Variants in PDE4B observed in about 807,000 individuals in gnomAD.
PDE4B encodes the protein phosphodiesterase 4B, also known as 3',5'-cyclic-AMP phosphodiesterase 4B.
A neutral mutation model predicts 82.2 loss-of-function variants in PDE4B; 20 were observed. The observed-to-expected ratio is 0.24, with a 90% CI of 0.17 to 0.35. The LOEUF (loss-of-function observed/expected upper bound fraction) is 0.35. Ranked by LOEUF, PDE4B falls within the 10% of genes least tolerant of loss-of-function variation. The pLI is 1.00. For synonymous variants in PDE4B, 320 were observed against 318.9 expected, an observed-to-expected ratio of 1.00 and a Z score of -0.04; for missense variants, 655 against 907.2, an observed-to-expected ratio of 0.72 and a Z score of 3.57.
chr1:65,919,163 G>T (rs761817702), intron 3 of PDE4B, among the ~76,000 whole-genome samples: 10 of 152,096 alleles, frequency 6.6e-5, no homozygotes, highest in Non-Finnish European at 1.5e-4. Context: ...AGTATTTTTT[G>T]ACTTAGAAAA....
intron 1 of PDE4B, among the ~76,000 whole-genome samples, chr1:65,856,286 C>T (rs886093196): frequency 6.6e-6 from 1 of 152,218 alleles, no homozygotes; most frequent in Admixed American, 6.5e-5. Context: ...GTTTGCGGCA[C>T]CCATGAACCC....
chr1:65,805,965 A>T (rs1196873639), intron 1 of PDE4B, among the ~76,000 whole-genome samples: 1 of 151,790 alleles, frequency 6.6e-6, no homozygotes, highest in Admixed American at 6.6e-5. Flanking sequence ...TTGGTGGGGG[A>T]GCTCAGTGGG....
chr1:65,992,825 C>T, intron 3 of PDE4B: 2 of 1,513,120 alleles, frequency 1.3e-6, no homozygotes, highest in South Asian at 1.4e-5. Flanking sequence ...GCAGACTTAT[C>T]AGTCTTCTGA....
chr1:66,120,438 A>C (rs528275892), intron 3 of PDE4B, among the ~76,000 whole-genome samples: 1 of 152,308 alleles, frequency 6.6e-6, no homozygotes, highest in African/African-American at 2.4e-5. Flanking sequence ...TGTCTCATAC[A>C]TCATGGATCT....
At chr1:66,045,963 G>A (rs1166072611) in intron 3 of PDE4B, among the ~76,000 whole-genome samples, 1 of 151,762 alleles carries the variant, frequency 6.6e-6, no homozygotes. Flanking sequence ...GACCATGCTA[G>A]GGAATCAGAC....
intron 3 of PDE4B, among the ~76,000 whole-genome samples, chr1:65,974,682 G>T (rs1385953850): frequency 6.6e-6 from 1 of 152,128 alleles, no homozygotes; most frequent in East Asian, 1.9e-4. Context: ...TCTTGTGATA[G>T]TGGGTGAACT....
rs1656882640 is a variant in PDE4B at position 66,289,066 on chromosome 1, G to A, written c.634+22979G>A. Among the ~76,000 whole-genome samples the A allele has an allele frequency of 2.0e-5, 3 of 152,100 alleles. No individual in the cohort carries two copies. The South Asian group carries it at 6.2e-4, about 32-fold the overall frequency. ...GGCAGTGGTGAATAAAATAGAAATG[G>A]AAGACTGGGCAACATATACCTGGGT... On this transcript the variant is annotated intron_variant, in intron 7 of 16. Coordinates refer to ENST00000341517, the MANE Select transcript of PDE4B (RefSeq NM_002600.4).
intron 1 of PDE4B, among the ~76,000 whole-genome samples, chr1:65,829,774 T>A (rs1035541816): frequency 3.3e-5 from 5 of 152,170 alleles, no homozygotes; most frequent in African/African-American, 4.8e-5. Context: ...CTGGTACAGA[T>A]AACCAAGGGG....
chr1:66,012,201 C>T (rs1652524289), intron 3 of PDE4B, among the ~76,000 whole-genome samples: 2 of 152,076 alleles, frequency 1.3e-5, no homozygotes, highest in South Asian at 4.2e-4. Context: ...AGTTTATGTC[C>T]TAAATATTTT....
At chr1:65,928,352 A>C (rs1647636254) in intron 3 of PDE4B, among the ~76,000 whole-genome samples, 2 of 152,202 alleles carry the variant, frequency 1.3e-5, no homozygotes, top group African/African-American at 4.8e-5. Flanking sequence ...CGAATGCAGT[A>C]GGCTTCCTAT....
intron 1 of PDE4B, among the ~76,000 whole-genome samples, chr1:65,871,698 C>T (rs1646575172): frequency 6.6e-6 from 1 of 152,156 alleles, no homozygotes; most frequent in East Asian, 1.9e-4. Context: ...CATCGTCTGA[C>T]CATGAATTGT....
chr1:66,103,864 T>A (rs1645278640), intron 3 of PDE4B, among the ~76,000 whole-genome samples: 1 of 152,114 alleles, frequency 6.6e-6, no homozygotes, highest in Admixed American at 6.6e-5. Context: ...CATTGCCCAC[T>A]GTATTGCACA....
intron 3 of PDE4B, among the ~76,000 whole-genome samples, chr1:66,198,577 C>T (rs1423912315): frequency 2.6e-5 from 4 of 152,040 alleles, no homozygotes; most frequent in Non-Finnish European, 5.9e-5. Context: ...CTTTCTGCTC[C>T]TCTCTGCACT....
chr1:66,229,393 T>G (rs367655804), intron 3 of PDE4B, among the ~76,000 whole-genome samples: 1 of 152,180 alleles, frequency 6.6e-6, no homozygotes, highest in African/African-American at 2.4e-5. Flanking sequence ...GACATAAAGA[T>G]TGTGTGAGCC....
chr1:66,072,414 G>A (rs1323418220), intron 3 of PDE4B, among the ~76,000 whole-genome samples: 1 of 151,990 alleles, frequency 6.6e-6, no homozygotes, highest in African/African-American at 2.4e-5. Context: ...TCAAATGTGT[G>A]GATATTTCCT....
intron 7 of PDE4B, among the ~76,000 whole-genome samples, chr1:66,289,122 G>A (rs1053725056): frequency 2.0e-5 from 3 of 152,072 alleles, no homozygotes; most frequent in Non-Finnish European, 4.4e-5. Context: ...AAATAAAATA[G>A]CCAGGGGCAG....
intron 3 of PDE4B, among the ~76,000 whole-genome samples, chr1:66,041,137 A>C (rs1168227215): frequency 6.6e-6 from 1 of 151,940 alleles, no homozygotes; most frequent in Non-Finnish European, 1.5e-5. Flanking sequence ...GGTGATAGCT[A>C]GTTATTTATT....
chr1:66,163,863 G>A (rs1355559521), intron 3 of PDE4B, among the ~76,000 whole-genome samples: 1 of 152,166 alleles, frequency 6.6e-6, no homozygotes, highest in African/African-American at 2.4e-5. Context: ...TTACTGCTAA[G>A]TGAAGCTGCC....
intron 3 of PDE4B, among the ~76,000 whole-genome samples, chr1:66,176,723 G>A (rs970590978): frequency 1.3e-5 from 2 of 152,158 alleles, no homozygotes; most frequent in African/African-American, 4.8e-5. Flanking sequence ...TCTATTTAAA[G>A]TAAACTATTT....
Sources: allele counts gnomAD v4.1 joint callset (sites outside exome capture counted in the v4.1 genomes callset), GRCh38; gene constraint gnomAD v4.1.1; transcripts MANE v1.5; gene names NCBI Gene and HGNC (gene_info 2026-07-23, HGNC 2026-07-21).